The following AUTS2 variants were observed in gnomAD, a reference collection of about 807,000 sequenced individuals.
AUTS2 encodes the protein autism susceptibility gene 2 protein.
AUTS2 carries 17 observed loss-of-function variants against 112.4 expected under a neutral mutation model. The ratio of observed to expected loss-of-function variants is 0.15; its 90% CI spans 0.10 to 0.23. AUTS2 has a LOEUF of 0.23. Among genes scored for constraint, AUTS2 ranks in the 10% least tolerant of loss-of-function variants. The pLI is 1.00. For missense variants in AUTS2, 1,510 were observed against 1,701.6 expected (o/e 0.89, Z 1.98); for synonymous variants, 751 against 702.7 (o/e 1.07, Z -1.09).
At chr7:69,849,406 G>A (rs78046110) in intron 1 of AUTS2, among the ~76,000 whole-genome samples, 3,177 of 152,116 alleles carry the variant, frequency 0.021, 110 homozygotes, top group African/African-American at 0.07. Flanking sequence ...GCTCTATGTC[G>A]TTCTTTGACA....
intron 5 of AUTS2, among the ~76,000 whole-genome samples, chr7:70,491,164 T>C (rs1273182265): frequency 6.6e-6 from 1 of 152,182 alleles, no homozygotes; most frequent in Admixed American, 6.5e-5. Flanking sequence ...TGCCGTGTCT[T>C]TGTGTCATTG....
intron 5 of AUTS2, among the ~76,000 whole-genome samples, chr7:70,567,291 A>G (rs4718962): frequency 0.29 from 44,825 of 152,062 alleles, 7,087 homozygotes; most frequent in Admixed American, 0.42. Flanking sequence ...TTCATTCTTG[A>G]CTTTTTTCAA....
intron 5 of AUTS2, among the ~76,000 whole-genome samples, chr7:70,639,615 T>C (rs1179796654): frequency 5.1e-4 from 5 of 9,730 alleles, no homozygotes; most frequent in South Asian, 3.4e-3. Context: ...AGACCCTGTC[T>C]CAAAAAAAAA....
At chr7:70,304,694 C>T (rs1247229539) in intron 4 of AUTS2, among the ~76,000 whole-genome samples, 1 of 150,708 alleles carries the variant, frequency 6.6e-6, no homozygotes, top group Non-Finnish European at 1.5e-5. Context: ...ATACTTGAGA[C>T]CAGAAGTGTT....
chr7:69,831,710 C>T (rs889514111), intron 1 of AUTS2, among the ~76,000 whole-genome samples: 5 of 151,780 alleles, frequency 3.3e-5, no homozygotes, highest in Non-Finnish European at 7.4e-5. Context: ...TTAAAGAGCA[C>T]CTACACTAAG....
At chr7:70,023,605 A>T (rs1800381881) in intron 2 of AUTS2, among the ~76,000 whole-genome samples, 1 of 152,226 alleles carries the variant, frequency 6.6e-6, no homozygotes, top group African/African-American at 2.4e-5. Context: ...GCCTGTAGTA[A>T]GGACTTACAA....
intron 2 of AUTS2, among the ~76,000 whole-genome samples, chr7:70,014,631 CAT>C (rs1466789036): frequency 6.6e-6 from 1 of 152,362 alleles, no homozygotes; most frequent in Non-Finnish European, 1.5e-5. Flanking sequence ...CTTACTCACA[CAT>C]GAGTGCTTTC....
chr7:69,708,319 C>CT (rs201497698), intron 1 of AUTS2, among the ~76,000 whole-genome samples: 409 of 23,858 alleles, frequency 0.017, no homozygotes, highest in African/African-American at 0.041. Flanking sequence ...TCTCTCTCTT[C>CT]TTTTTTGTGA....
rs917621758 is a variant in AUTS2 at position 70,434,931 on chromosome 7, A to AT, written c.661-813dup. On this transcript the variant is annotated intron_variant, in intron 4 of 18. Coordinates refer to ENST00000342771, the MANE Select transcript of AUTS2 (RefSeq NM_015570.4). ...GAATATTGAATTAACAAAACACTTC[A>AT]TTTTTTTTAAGTTGTGTTCTTTTTT... Among the ~76,000 whole-genome samples the AT allele has an allele frequency of 4.6e-5, 7 of 151,982 alleles. No individual in the cohort carries two copies. In the East Asian group the frequency reaches 1.3e-3, roughly 29 times the overall value.
intron 4 of AUTS2, among the ~76,000 whole-genome samples, chr7:70,137,882 TTATTA>T (rs1806654997): frequency 6.6e-6 from 1 of 152,220 alleles, no homozygotes; most frequent in African/African-American, 2.4e-5. Context: ...TATTTTATTC[TTATTA>T]TATTCTTCTT....
At chr7:69,694,797 C>T (rs1374553440) in intron 1 of AUTS2, among the ~76,000 whole-genome samples, 1 of 152,094 alleles carries the variant, frequency 6.6e-6, no homozygotes, top group Non-Finnish European at 1.5e-5. Context: ...ACAAGGTGGC[C>T]TTACTATTTA....
intron 5 of AUTS2, among the ~76,000 whole-genome samples, chr7:70,523,827 A>G (rs1372877473): frequency 6.6e-6 from 1 of 152,188 alleles, no homozygotes; most frequent in African/African-American, 2.4e-5. Flanking sequence ...ACATCACCTG[A>G]GCACTCCAGG....
chr7:70,140,436 C>G (rs1454251578), intron 4 of AUTS2, among the ~76,000 whole-genome samples: 1 of 152,094 alleles, frequency 6.6e-6, no homozygotes, highest in Non-Finnish European at 1.5e-5. Context: ...CTCCAGAGAA[C>G]CTATCACTAT....
At chr7:70,787,615 A>C (rs997149054) in intron 18 of AUTS2, among the ~76,000 whole-genome samples, 184 bp downstream of exon 18, 1 of 151,988 alleles carries the variant, frequency 6.6e-6, no homozygotes, top group African/African-American at 2.4e-5. Context: ...GCATATGGTG[A>C]CCGTAGGAGA....
intron 3 of AUTS2, among the ~76,000 whole-genome samples, chr7:70,127,117 C>A (rs1406275974): frequency 6.6e-6 from 1 of 151,530 alleles, no homozygotes; most frequent in Non-Finnish European, 1.5e-5. Flanking sequence ...TAAGACACTG[C>A]GCCTGGCCTT....
chr7:70,304,152 C>G (rs1789377051), intron 4 of AUTS2, among the ~76,000 whole-genome samples: 2 of 152,198 alleles, frequency 1.3e-5, no homozygotes, highest in Admixed American at 1.3e-4. Context: ...TGAGCAGAAG[C>G]AGGGGTCCTC....
chr7:69,841,443 C>G (rs904713616), intron 1 of AUTS2, among the ~76,000 whole-genome samples: 2 of 152,150 alleles, frequency 1.3e-5, no homozygotes, highest in Non-Finnish European at 2.9e-5. Flanking sequence ...GATCCACTCT[C>G]ATGATCCAAA....
intron 1 of AUTS2, among the ~76,000 whole-genome samples, chr7:69,666,962 A>T (rs1796078007): frequency 6.6e-6 from 1 of 152,168 alleles, no homozygotes; most frequent in Non-Finnish European, 1.5e-5. Flanking sequence ...TACCTAGCTC[A>T]GTCCATTTTC....
At chr7:69,638,585 G>T (rs991044529) in intron 1 of AUTS2, among the ~76,000 whole-genome samples, 1 of 152,108 alleles carries the variant, frequency 6.6e-6, no homozygotes, top group African/African-American at 2.4e-5. Context: ...AATAGCCTCA[G>T]TTTTTGTTAA....
Sources: gnomAD v4.1 joint callset for allele counts (sites outside exome capture counted in the v4.1 genomes callset) on GRCh38, gnomAD v4.1.1 for gene constraint, MANE v1.5 for transcripts, NCBI Gene and HGNC (gene_info 2026-07-23, HGNC 2026-07-21) for gene names.